The following PALM2AKAP2 variants were observed in gnomAD, a reference collection of about 807,000 sequenced individuals.
PALM2AKAP2 encodes the protein PALM2 and AKAP2 fusion.
In PALM2AKAP2, 37 loss-of-function variants were observed where a neutral mutation model predicts 71.5. That is an observed-to-expected ratio of 0.52 (90% CI 0.40 to 0.68). The LOEUF (loss-of-function observed/expected upper bound fraction) is 0.68, where lower values mean the gene tolerates loss of function less well. Among genes scored for constraint, PALM2AKAP2 ranks in the 30% least tolerant of loss-of-function variants. The probability of loss-of-function intolerance (pLI) is 0.00; values close to 1 mark genes in which losing one functional copy is unlikely to be tolerated. For missense variants in PALM2AKAP2, 1,224 were observed against 1,191.8 expected, an observed-to-expected ratio of 1.03 and a Z score of -0.40; for synonymous variants, 468 against 478.8, an observed-to-expected ratio of 0.98 and a Z score of 0.29.
At chr9:109,786,956 C>T (rs1471999952) in intron 1 of PALM2AKAP2, among the ~76,000 whole-genome samples, 2 of 152,308 alleles carry the variant, frequency 1.3e-5, no homozygotes, top group East Asian at 3.9e-4. Flanking sequence ...TTGAACTCTC[C>T]ACATTTCACC....
At chr9:109,824,578 C>A (rs2131506593) in intron 1 of PALM2AKAP2, among the ~76,000 whole-genome samples, 1 of 152,296 alleles carries the variant, frequency 6.6e-6, no homozygotes, top group African/African-American at 2.4e-5. Flanking sequence ...TGGCCCTTTC[C>A]ATCTTTGGGG....
chr9:110,112,836 A>T (rs1342625412), intron 1 of PALM2AKAP2, among the ~76,000 whole-genome samples: 1 of 152,238 alleles, frequency 6.6e-6, no homozygotes. Flanking sequence ...AACTACAGCT[A>T]TCAAGAGTAC....
rs926028480 is a variant in PALM2AKAP2 at position 110,055,803 on chromosome 9, T to A, written c.156+6948T>A. On this transcript the variant is annotated intron_variant, in intron 1 of 3. Coordinates refer to ENST00000374525, the Ensembl canonical transcript of PALM2AKAP2. ...TGCCCTGGGTTGGTTGAGTGTAGGG[T>A]TTCGAAGATAATTTTGTCAGGACTC... Among the ~76,000 whole-genome samples the A allele has an allele frequency of 3.9e-5, 6 of 152,158 alleles. No individual in the cohort carries two copies. In the South Asian group the frequency reaches 8.3e-4, roughly 21 times the overall value.
intron 7 of PALM2AKAP2, among the ~76,000 whole-genome samples, chr9:110,028,738 C>T (rs12238475): frequency 2.6e-4 from 40 of 151,932 alleles, no homozygotes; most frequent in East Asian, 2.1e-3. Flanking sequence ...ATGTCCAGTT[C>T]GATTTGAATT....
intron 1 of PALM2AKAP2, among the ~76,000 whole-genome samples, chr9:110,128,986 G>C (rs1835676461): frequency 2.0e-5 from 3 of 152,220 alleles, no homozygotes; most frequent in Non-Finnish European, 4.4e-5. Context: ...AATCTCACTT[G>C]TGGTGTTGGT....
chr9:109,960,633 T>G (rs1831837205), intron 6 of PALM2AKAP2, among the ~76,000 whole-genome samples: 1 of 152,158 alleles, frequency 6.6e-6, no homozygotes, highest in African/African-American at 2.4e-5. Context: ...AAAAAAGATG[T>G]AATGCTATCT....
intron 1 of PALM2AKAP2, among the ~76,000 whole-genome samples, chr9:110,124,915 T>C (rs1308089480): frequency 1.3e-5 from 2 of 152,238 alleles, no homozygotes; most frequent in Admixed American, 6.5e-5. Flanking sequence ...ATTTACTGTC[T>C]GGTCTCAATG....
intron 6 of PALM2AKAP2, among the ~76,000 whole-genome samples, chr9:109,999,858 G>A (rs1253161256): frequency 3.9e-5 from 6 of 152,146 alleles, no homozygotes; most frequent in Admixed American, 6.5e-5. Context: ...CACCAAGGAG[G>A]AGCTGGCAGC....
intron 1 of PALM2AKAP2, among the ~76,000 whole-genome samples, chr9:109,701,119 C>T (rs945389759): frequency 3.3e-5 from 5 of 152,054 alleles, no homozygotes; most frequent in Non-Finnish European, 5.9e-5. Flanking sequence ...ATACAGACAA[C>T]AAAACAATCT....
At chr9:109,748,327 G>A (rs1159683672) in intron 1 of PALM2AKAP2, among the ~76,000 whole-genome samples, 4 of 152,150 alleles carry the variant, frequency 2.6e-5, no homozygotes. Context: ...GAACAGCCCA[G>A]TTTCTCATTC....
intron 1 of PALM2AKAP2, among the ~76,000 whole-genome samples, chr9:110,115,578 T>C (rs1170725214): frequency 5.3e-5 from 8 of 152,352 alleles, no homozygotes. Context: ...ATCTGGACTT[T>C]CCTCGAGTTC....
intron 7 of PALM2AKAP2, among the ~76,000 whole-genome samples, chr9:110,036,035 G>C (rs1396654211): frequency 6.6e-6 from 1 of 151,746 alleles, no homozygotes; most frequent in Non-Finnish European, 1.5e-5. Flanking sequence ...TCCACCTCCC[G>C]GGTTCATGCC....
chr9:110,006,870 G>C (rs897990897), intron 6 of PALM2AKAP2, among the ~76,000 whole-genome samples: 6 of 151,944 alleles, frequency 3.9e-5, no homozygotes, highest in Non-Finnish European at 7.4e-5. Context: ...TCATCCTCCA[G>C]GTGGCCACAT....
intron 3 of PALM2AKAP2, among the ~76,000 whole-genome samples, chr9:110,163,279 A>G (rs533524808): frequency 6.2e-4 from 95 of 152,262 alleles, no homozygotes; most frequent in African/African-American, 2.2e-3. Context: ...TGTGTCAGGC[A>G]TTGTTCTAGG....
At chr9:110,111,367 A>G (rs1184778053) in intron 1 of PALM2AKAP2, among the ~76,000 whole-genome samples, 1 of 152,162 alleles carries the variant, frequency 6.6e-6, no homozygotes, top group South Asian at 2.1e-4. Flanking sequence ...TGCTGGAAAT[A>G]TAGGCATAAG....
chr9:109,766,876 A>G (rs1410516169), intron 1 of PALM2AKAP2, among the ~76,000 whole-genome samples: 2 of 152,116 alleles, frequency 1.3e-5, no homozygotes, highest in Non-Finnish European at 2.9e-5. Flanking sequence ...CCCCATGCCA[A>G]TAAATATGGA....
intron 7 of PALM2AKAP2, among the ~76,000 whole-genome samples, chr9:110,033,780 A>C (rs1419132137): frequency 9.2e-5 from 14 of 152,238 alleles, no homozygotes; most frequent in Admixed American, 9.2e-4. Context: ...GACCTGATCT[A>C]AGACCACTGT....
intron 1 of PALM2AKAP2, among the ~76,000 whole-genome samples, chr9:109,735,214 T>G (rs1828612334): frequency 6.7e-6 from 1 of 149,524 alleles, no homozygotes; most frequent in African/African-American, 2.5e-5. Flanking sequence ...TTCATGGGTA[T>G]TTTCCTGAAG....
intron 4 of PALM2AKAP2, among the ~76,000 whole-genome samples, chr9:109,924,144 T>G (rs1830898520): frequency 6.6e-6 from 1 of 152,194 alleles, no homozygotes; most frequent in Admixed American, 6.5e-5. Context: ...AGCCTTCTCT[T>G]ATTGGACTCT....
Sources: allele counts gnomAD v4.1 joint callset (sites outside exome capture counted in the v4.1 genomes callset), GRCh38; gene constraint gnomAD v4.1.1; transcripts MANE v1.5; gene names NCBI Gene and HGNC (gene_info 2026-07-23, HGNC 2026-07-21).